The following STK39 variants were observed in gnomAD, a reference collection of about 807,000 sequenced individuals.
STK39 encodes the protein STE20/SPS1-related proline-alanine-rich protein kinase.
In STK39, 20 loss-of-function variants were observed where a neutral mutation model predicts 77.8. That is an observed-to-expected ratio of 0.26 (90% CI 0.18 to 0.37). The LOEUF is 0.37. Ranked by LOEUF, STK39 falls within the 10% of genes least tolerant of loss-of-function variation. STK39 has a pLI of 1.00. For synonymous variants in STK39, 246 were observed against 234.1 expected (o/e 1.05, Z -0.47); for missense variants, 479 against 656.5 (o/e 0.73, Z 2.95).
chr2:168,008,154 A>T (rs183134014), intron 16 of STK39, among the ~76,000 whole-genome samples: 1 of 152,246 alleles, frequency 6.6e-6, no homozygotes, highest in Admixed American at 6.5e-5. Flanking sequence ...GGCCTTTTGC[A>T]TCTGATTTAC....
intron 14 of STK39, among the ~76,000 whole-genome samples, chr2:168,061,909 G>T (rs1435720075): frequency 6.6e-6 from 1 of 152,170 alleles, no homozygotes; most frequent in African/African-American, 2.4e-5. Flanking sequence ...TATGCAGACA[G>T]TCTGATATTT....
chr2:168,095,295 C>A (rs1011182613), intron 10 of STK39, among the ~76,000 whole-genome samples: 28 of 152,294 alleles, frequency 1.8e-4, no homozygotes, highest in African/African-American at 6.3e-4. Context: ...AACCTAACTT[C>A]CTACTGCATT....
intron 10 of STK39, among the ~76,000 whole-genome samples, chr2:168,090,880 G>A (rs1686502415): frequency 6.6e-6 from 1 of 152,048 alleles, no homozygotes; most frequent in South Asian, 2.1e-4. Context: ...AGAAAACTCT[G>A]GGCCTTCCTC....
chr2:168,071,242 C>A (rs754764677), intron 12 of STK39, among the ~76,000 whole-genome samples: 5 of 152,092 alleles, frequency 3.3e-5, no homozygotes, highest in Non-Finnish European at 5.9e-5. Flanking sequence ...ATACTATATG[C>A]CTACTCATGC....
intron 14 of STK39, among the ~76,000 whole-genome samples, chr2:168,038,430 T>C (rs1300971033): frequency 7.2e-6 from 1 of 138,918 alleles, no homozygotes; most frequent in Non-Finnish European, 1.6e-5. Context: ...TAGACCTAAA[T>C]GTAAAGGCTA....
At chr2:168,135,886 A>G (rs1177735516) in intron 8 of STK39, among the ~76,000 whole-genome samples, 1 of 152,162 alleles carries the variant, frequency 6.6e-6, no homozygotes, top group Non-Finnish European at 1.5e-5. Flanking sequence ...AAGACCTTAA[A>G]AGATTAATAC....
At chr2:168,194,509 T>C (rs1689421832) in intron 1 of STK39, among the ~76,000 whole-genome samples, 1 of 152,156 alleles carries the variant, frequency 6.6e-6, no homozygotes, top group African/African-American at 2.4e-5. Flanking sequence ...TATTATTTGA[T>C]TTTTTGGGTG....
At chr2:167,986,825 A>T (rs1451076550) in intron 16 of STK39, among the ~76,000 whole-genome samples, 2 of 152,192 alleles carry the variant, frequency 1.3e-5, no homozygotes, top group African/African-American at 4.8e-5. Context: ...GATGTGGAGA[A>T]GGCCTCATGC....
chr2:168,071,300 G>A (rs79365952), intron 12 of STK39, among the ~76,000 whole-genome samples: 3,026 of 152,028 alleles, frequency 0.02, 103 homozygotes, highest in African/African-American at 0.07. Flanking sequence ...CATGTCATCA[G>A]TGAACATGTA....
At chr2:168,097,760 G>GATTC (rs1486335617) in intron 10 of STK39, among the ~76,000 whole-genome samples, 5 of 151,642 alleles carry the variant, frequency 3.3e-5, no homozygotes, top group Non-Finnish European at 5.9e-5. Flanking sequence ...AAAAGAAGAC[G>GATTC]AAGAAGACTA....
At chr2:168,224,683 A>T (rs1246773272) in intron 1 of STK39, among the ~76,000 whole-genome samples, 1 of 152,248 alleles carries the variant, frequency 6.6e-6, no homozygotes, top group African/African-American at 2.4e-5. Context: ...ATAGTTTTTA[A>T]TAAAACAATA....
In STK39 at chr2:168,055,396, G is replaced by A. The variant is rs527782193; in HGVS notation, c.1376+8104C>T. On this transcript the variant is annotated intron_variant, in intron 14 of 17. Transcript: ENST00000355999. ...ATAGCTAAGTGCATCTTTTAATAAC[G>A]AAACCAAAATAATAAATTGAAGTAT... 3.2e-4 allele frequency among the ~76,000 whole-genome samples: 49 copies of A among 152,166 alleles called. 1 individual carries two copies. The South Asian group carries it at 8.9e-3, about 28-fold the overall frequency.
At chr2:168,142,849 C>G (rs972244133) in intron 5 of STK39, among the ~76,000 whole-genome samples, 1 of 152,160 alleles carries the variant, frequency 6.6e-6, no homozygotes, top group Non-Finnish European at 1.5e-5. Flanking sequence ...CTCCTATGTA[C>G]GGCTGATGTG....
intron 1 of STK39, among the ~76,000 whole-genome samples, chr2:168,231,194 C>A (rs980756727): frequency 6.6e-6 from 1 of 152,174 alleles, no homozygotes; most frequent in East Asian, 1.9e-4. Context: ...AGGTTACATA[C>A]TTATTCCAAT....
At chr2:168,132,630 T>A (rs1236606627) in intron 8 of STK39, among the ~76,000 whole-genome samples, 3 of 152,196 alleles carry the variant, frequency 2.0e-5, no homozygotes. Flanking sequence ...CCCTCGCTCA[T>A]CAGTCAAGAG....
intron 1 of STK39, among the ~76,000 whole-genome samples, chr2:168,233,835 T>A (rs1438883489): frequency 6.6e-6 from 1 of 152,220 alleles, no homozygotes; most frequent in African/African-American, 2.4e-5. Flanking sequence ...TGATCTTTTT[T>A]AAGATATGAC....
At chr2:168,174,603 C>T (rs184205923) in intron 2 of STK39, among the ~76,000 whole-genome samples, 1 of 152,118 alleles carries the variant, frequency 6.6e-6, no homozygotes, top group Admixed American at 6.5e-5. Flanking sequence ...GAGGGTGCCA[C>T]AGTGGAATCA....
chr2:168,075,317 A>C, intron 10 of STK39, 86 bp from the exon 11 acceptor site: 1 of 1,560,012 alleles, frequency 6.4e-7, no homozygotes. Context: ...TACGGCATAC[A>C]CACCAACCTG....
intron 14 of STK39, among the ~76,000 whole-genome samples, chr2:168,059,977 G>T (rs1026457931): frequency 6.6e-6 from 1 of 152,122 alleles, no homozygotes; most frequent in Non-Finnish European, 1.5e-5. Flanking sequence ...ACAATGCCAT[G>T]TACATAGTAA....
Sources: gnomAD v4.1 joint callset for allele counts (sites outside exome capture counted in the v4.1 genomes callset) on GRCh38, gnomAD v4.1.1 for gene constraint, MANE v1.5 for transcripts, NCBI Gene and HGNC (gene_info 2026-07-23, HGNC 2026-07-21) for gene names.